FERMT2: variants seen among roughly 807,000 people sequenced by gnomAD.
The protein encoded by FERMT2 is FERM domain containing kindlin 2.
FERMT2 carries 15 observed loss-of-function variants against 82.7 expected under a neutral mutation model. The ratio of observed to expected loss-of-function variants is 0.18; its 90% CI spans 0.12 to 0.28. FERMT2 has a LOEUF of 0.28. Among genes scored for constraint, FERMT2 ranks in the 10% least tolerant of loss-of-function variants. FERMT2 has a pLI of 1.00. For synonymous variants in FERMT2, 274 were observed against 271.5 expected (o/e 1.01, Z -0.09); for missense variants, 645 against 809.4 (o/e 0.80, Z 2.46).
intron 4 of FERMT2, among the ~76,000 whole-genome samples, chr14:52,891,904 T>C (rs1175767722): frequency 6.6e-6 from 1 of 152,164 alleles, no homozygotes; most frequent in Admixed American, 6.5e-5. Context: ...CTGAATGCCA[T>C]ATGCTGAGTT....
At chr14:52,935,749 T>C (rs2139684893) in intron 2 of FERMT2, among the ~76,000 whole-genome samples, 1 of 152,332 alleles carries the variant, frequency 6.6e-6, no homozygotes, top group East Asian at 1.9e-4. Flanking sequence ...CAAATTGCAA[T>C]TTCTTCTACA....
intron 4 of FERMT2, chr14:52,881,920 A>C: frequency 4.0e-6 from 2 of 504,822 alleles, no homozygotes; most frequent in Non-Finnish European, 6.4e-6. Context: ...TGAGAAAAAG[A>C]AAAAACAGAT....
intron 4 of FERMT2, among the ~76,000 whole-genome samples, chr14:52,889,861 G>A (rs1367402105): frequency 2.0e-5 from 3 of 152,176 alleles, no homozygotes; most frequent in Non-Finnish European, 4.4e-5. Context: ...CCAGGTGTTG[G>A]CTCATGCTTG....
chr14:52,887,787 A>G (rs1166859348), intron 4 of FERMT2, among the ~76,000 whole-genome samples: 1 of 150,346 alleles, frequency 6.7e-6, no homozygotes, highest in Non-Finnish European at 1.5e-5. Context: ...AGTAACGAAA[A>G]TTACTTAACT....
At chr14:52,891,183 C>T (rs1368967804) in intron 4 of FERMT2, among the ~76,000 whole-genome samples, 1 of 152,090 alleles carries the variant, frequency 6.6e-6, no homozygotes, top group Non-Finnish European at 1.5e-5. Flanking sequence ...TTATTCACAT[C>T]TTGTATTTTT....
chr14:52,900,468 A>G (rs1887557010), intron 3 of FERMT2, among the ~76,000 whole-genome samples: 3 of 152,108 alleles, frequency 2.0e-5, no homozygotes, highest in Non-Finnish European at 2.9e-5. Context: ...AAGTATATTG[A>G]ATACGTGCAT....
intron 2 of FERMT2, among the ~76,000 whole-genome samples, chr14:52,921,198 G>A (rs567856796): frequency 4.5e-4 from 68 of 152,166 alleles, no homozygotes; most frequent in Middle Eastern, 3.4e-3. Context: ...TACTTGATAC[G>A]ACTGAAGTTC....
At chr14:52,881,860 G>A in intron 4 of FERMT2, 3 of 1,060,998 alleles carry the variant, frequency 2.8e-6, no homozygotes, top group East Asian at 5.8e-5. Context: ...AATTCAGAAG[G>A]TAAAGGAAAG....
intron 10 of FERMT2, among the ~76,000 whole-genome samples, chr14:52,869,822 C>A (rs981661694): frequency 6.6e-6 from 1 of 152,168 alleles, no homozygotes; most frequent in Non-Finnish European, 1.5e-5. Context: ...CAGCTCCATG[C>A]TTGTTACTCC....
At chr14:52,890,202 G>A (rs1459960055) in intron 4 of FERMT2, among the ~76,000 whole-genome samples, 31 of 151,862 alleles carry the variant, frequency 2.0e-4, no homozygotes, top group African/African-American at 7.0e-4. Context: ...GGAGGCCGAG[G>A]CAGGTGGATC....
At chr14:52,910,178 A>G (rs940543558) in intron 3 of FERMT2, among the ~76,000 whole-genome samples, 1 of 152,238 alleles carries the variant, frequency 6.6e-6, no homozygotes. Flanking sequence ...AATTACAAAA[A>G]TTTTTTAAAC....
intron 2 of FERMT2, among the ~76,000 whole-genome samples, chr14:52,943,460 C>A (rs1890187999): frequency 6.6e-6 from 1 of 151,920 alleles, no homozygotes; most frequent in African/African-American, 2.4e-5. Flanking sequence ...GAGGCCCTTT[C>A]AACTAAATGC....
chr14:52,913,054 T>G (rs182251367), intron 3 of FERMT2, among the ~76,000 whole-genome samples: 5 of 152,326 alleles, frequency 3.3e-5, no homozygotes, highest in African/African-American at 1.2e-4. Flanking sequence ...TTTTCTTGTT[T>G]ATACAAATAT....
chr14:52,863,916 C>T (rs1422122731), intron 12 of FERMT2, among the ~76,000 whole-genome samples: 1 of 152,094 alleles, frequency 6.6e-6, no homozygotes, highest in African/African-American at 2.4e-5. Flanking sequence ...GAAAGAACAC[C>T]ATGTTAACAG....
intron 2 of FERMT2, among the ~76,000 whole-genome samples, chr14:52,927,811 T>C (rs1036398565): frequency 1.3e-5 from 2 of 151,968 alleles, no homozygotes; most frequent in Non-Finnish European, 2.9e-5. Flanking sequence ...GACTTGGGCC[T>C]TCAAACTTTG....
chr14:52,896,552 C>A, intron 3 of FERMT2, among the ~76,000 whole-genome samples: 1 of 152,214 alleles, frequency 6.6e-6, no homozygotes, highest in East Asian at 1.9e-4. Context: ...TGACTCTGGA[C>A]AAGCTACTCA....
chr14:52,922,532 A>T (rs7142157), intron 2 of FERMT2, among the ~76,000 whole-genome samples: 120,050 of 151,990 alleles, frequency 0.79, 48,354 homozygotes, highest in East Asian at 1. Flanking sequence ...CTGCAAAGAC[A>T]TAATAAAAGA....
chr14:52,951,019 G>C lies in FERMT2; in HGVS notation c.-108C>G, dbSNP rs1566769526. On this transcript the variant is annotated 5_prime_UTR_variant, in exon 1 of 15. Coordinates refer to ENST00000341590, the MANE Select transcript of FERMT2 (RefSeq NM_006832.3). The stretch of plus-strand genomic sequence containing the variant: ...GTGTCCGCGTCCGGTTCCTCGGCTG[G>C]CGAAGCGCTGCCTGTGGCCGGAGCG... 6.5e-6 allele frequency: 1 copy of C among 152,776 alleles called. No individual in the cohort carries two copies. The highest frequency in any genetic ancestry group is 1.5e-5 in the Non-Finnish European group (1 of 68,690). The allele number at this position is 152,776 out of a possible 1,614,324, so 9.5% of individuals were successfully genotyped here.
chr14:52,878,851 T>C (rs1219538148), intron 6 of FERMT2, among the ~76,000 whole-genome samples, 162 bp from the exon 7 acceptor site: 1 of 152,224 alleles, frequency 6.6e-6, no homozygotes, highest in Non-Finnish European at 1.5e-5. Context: ...ATTAGAAGGA[T>C]ACCTATGGGG....
Sources: allele counts gnomAD v4.1 joint callset (sites outside exome capture counted in the v4.1 genomes callset), GRCh38; gene constraint gnomAD v4.1.1; transcripts MANE v1.5; gene names NCBI Gene and HGNC (gene_info 2026-07-23, HGNC 2026-07-21).